Variants in PRKD1 observed in about 807,000 individuals in gnomAD.
The protein encoded by PRKD1 is serine/threonine-protein kinase D1.
In PRKD1, 63 loss-of-function variants were observed where a neutral mutation model predicts 95.9. The observed-to-expected ratio is 0.66, with a 90% CI of 0.54 to 0.81. The LOEUF (loss-of-function observed/expected upper bound fraction) is 0.81. PRKD1 is among the 30% of genes least tolerant of loss of function. The pLI, the probability that PRKD1 is intolerant of heterozygous loss-of-function variation, is 0.00. For missense variants in PRKD1, 1,048 were observed against 1,165.3 expected (o/e 0.90, Z 1.47); for synonymous variants, 425 against 423.1 (o/e 1.00, Z -0.05).
chr14:29,801,176 G>A (rs558383651), intron 1 of PRKD1, among the ~76,000 whole-genome samples: 4 of 152,204 alleles, frequency 2.6e-5, no homozygotes, highest in Admixed American at 6.5e-5. Context: ...TCAGGCAGGA[G>A]CTGGTACTGC....
At chr14:29,878,924 T>C (rs562264721) in intron 1 of PRKD1, among the ~76,000 whole-genome samples, 178 of 152,314 alleles carry the variant, frequency 1.2e-3, no homozygotes, top group Non-Finnish European at 1.3e-3. Flanking sequence ...CTCATTACAA[T>C]AGAAAATTTT....
At chr14:29,876,725 A>C (rs899954065) in intron 1 of PRKD1, among the ~76,000 whole-genome samples, 4 of 152,008 alleles carry the variant, frequency 2.6e-5, no homozygotes, top group African/African-American at 9.7e-5. Flanking sequence ...ACAAACAAAA[A>C]AAAACAAAAA....
At position 29,635,377 on chromosome 14, in the gene PRKD1, C is replaced by T. The variant is rs111708053; in HGVS notation, c.1191-836G>A. ...ATATGTAATTCCCACCACTGCCCCCCGGCACCATGCAAACTCTTTGGTACT... is the reference window on the plus strand; with the variant it reads ...ATATGTAATTCCCACCACTGCCCCCTGGCACCATGCAAACTCTTTGGTACT... On this transcript the variant is annotated intron_variant, in intron 7 of 17. Coordinates refer to ENST00000331968, the MANE Select transcript of PRKD1 (RefSeq NM_002742.3). Among the ~76,000 whole-genome samples the T allele has an allele frequency of 6.6e-5, 10 of 152,200 alleles. 1 individual carries two copies. The highest frequency in any genetic ancestry group is 3.9e-4 in the East Asian group (2 of 5,160).
intron 2 of PRKD1, among the ~76,000 whole-genome samples, chr14:29,685,074 C>T (rs1883778109): frequency 6.6e-6 from 1 of 152,106 alleles, no homozygotes; most frequent in Admixed American, 6.6e-5. Context: ...CCTCAGATTC[C>T]CTGGCTTATA....
intron 13 of PRKD1, among the ~76,000 whole-genome samples, chr14:29,603,952 G>A (rs2139026545): frequency 6.6e-6 from 1 of 152,214 alleles, no homozygotes; most frequent in African/African-American, 2.4e-5. Flanking sequence ...ACATATTCAC[G>A]GGGTGAATAT....
chr14:29,595,026 C>A (rs759507374), intron 16 of PRKD1, among the ~76,000 whole-genome samples: 1 of 147,452 alleles, frequency 6.8e-6, no homozygotes, highest in Admixed American at 6.8e-5. Flanking sequence ...AGCTTTAGTT[C>A]GCAAACAGTA....
At position 29,688,394 on chromosome 14, in the gene PRKD1, C is replaced by T. The variant is rs547075309; in HGVS notation, c.404-22186G>A. Among the ~76,000 whole-genome samples, 22 of 152,228 alleles carry T rather than the reference C, an allele frequency of 1.4e-4. No individual in the cohort carries two copies. The South Asian group carries it at 4.6e-3, about 32-fold the overall frequency. ...AACATGGACATCTCTGGGGTACCAC[C>T]ATTCAGCCCACTGCACAACTTTATG... On this transcript the variant is annotated intron_variant, in intron 2 of 17. Transcript: ENST00000331968.
intron 4 of PRKD1, among the ~76,000 whole-genome samples, chr14:29,663,167 A>C (rs1166117843): frequency 6.9e-6 from 1 of 145,740 alleles, no homozygotes; most frequent in East Asian, 2.0e-4. Flanking sequence ...ATATATATAT[A>C]TATTCTAGAG....
chr14:29,639,406 T>G (rs45572938), intron 4 of PRKD1, among the ~76,000 whole-genome samples: 4,268 of 151,966 alleles, frequency 0.028, 184 homozygotes, highest in African/African-American at 0.091. Context: ...GATCATTTGG[T>G]GTCAGGAGTT....
intron 1 of PRKD1, among the ~76,000 whole-genome samples, chr14:29,906,962 T>C (rs1894517088): frequency 6.6e-6 from 1 of 152,264 alleles, no homozygotes; most frequent in Non-Finnish European, 1.5e-5. Context: ...CATAATTTTG[T>C]TCTTAAAATC....
At chr14:29,807,652 C>G (rs1322478038) in intron 1 of PRKD1, among the ~76,000 whole-genome samples, 2 of 152,042 alleles carry the variant, frequency 1.3e-5, no homozygotes, top group Non-Finnish European at 2.9e-5. Flanking sequence ...ACCACCTCAG[C>G]CTTCCAAAGT....
chr14:29,696,438 C>G (rs765913096), intron 2 of PRKD1, among the ~76,000 whole-genome samples: 1 of 152,068 alleles, frequency 6.6e-6, no homozygotes, highest in Non-Finnish European at 1.5e-5. Context: ...CAGACTAGAG[C>G]TGATTCCTAT....
intron 1 of PRKD1, among the ~76,000 whole-genome samples, chr14:29,857,314 A>G (rs935574746): frequency 3.9e-5 from 6 of 152,192 alleles, no homozygotes; most frequent in African/African-American, 1.4e-4. Flanking sequence ...CAGCTTATAA[A>G]AGGCAGAAAA....
chr14:29,834,931 C>T (rs552381883), intron 1 of PRKD1, among the ~76,000 whole-genome samples: 1 of 152,216 alleles, frequency 6.6e-6, no homozygotes, highest in East Asian at 1.9e-4. Context: ...TTTTAAATGC[C>T]ATGATTACCT....
In PRKD1 at chr14:29,656,466, T is replaced by C; in HGVS notation, c.696+7233A>G. On this transcript the variant is annotated intron_variant, in intron 4 of 17. Coordinates refer to ENST00000331968, the MANE Select transcript of PRKD1 (RefSeq NM_002742.3). ...GCAAATTTCTAGCACCAGGTAGCAT[T>C]AGTACCTACCTCAAAGCCAGGACTC... is the stretch of plus-strand genomic sequence containing the variant. 2.6e-6 allele frequency: 4 copies of C among 1,533,356 alleles called. No individual in the cohort carries two copies. The South Asian group carries it at 4.8e-5, about 18-fold the overall frequency. The allele number at this position is 1,533,356 out of a possible 1,614,324, so 95.0% of individuals were successfully genotyped here. A position where few individuals can be genotyped will look rare whatever the true frequency, so the allele number is the denominator to read the frequency against.
chr14:29,578,127 A>G (rs2138941427), intron 17 of PRKD1, 148 bp downstream of exon 17: 1 of 671,094 alleles, frequency 1.5e-6, no homozygotes, highest in East Asian at 2.8e-5. Flanking sequence ...TTGTTATTAA[A>G]TCCTATGAAG....
chr14:29,850,594 G>T (rs1389499218), intron 1 of PRKD1, among the ~76,000 whole-genome samples: 1 of 151,484 alleles, frequency 6.6e-6, no homozygotes, highest in East Asian at 1.9e-4. Flanking sequence ...ACAACAAATG[G>T]AAAAACACTC....
chr14:29,849,547 A>G (rs1235493252), intron 1 of PRKD1, among the ~76,000 whole-genome samples: 1 of 151,136 alleles, frequency 6.6e-6, no homozygotes, highest in Non-Finnish European at 1.5e-5. Context: ...AAACTGAATC[A>G]GTGAAGTAAA....
intron 1 of PRKD1, among the ~76,000 whole-genome samples, chr14:29,834,447 C>A (rs1265015430): frequency 2.6e-5 from 4 of 152,046 alleles, no homozygotes; most frequent in Non-Finnish European, 5.9e-5. Context: ...AATCAAATAT[C>A]TTTTTTTCAT....
Sources: gnomAD v4.1 joint callset for allele counts (sites outside exome capture counted in the v4.1 genomes callset) on GRCh38, gnomAD v4.1.1 for gene constraint, MANE v1.5 for transcripts, NCBI Gene and HGNC (gene_info 2026-07-23, HGNC 2026-07-21) for gene names.